The following PIEZO2 variants were observed in gnomAD, a reference collection of about 807,000 sequenced individuals.
PIEZO2 encodes piezo type mechanosensitive ion channel component 2.
A neutral mutation model predicts 337.3 loss-of-function variants in PIEZO2; 172 were observed. That is an observed-to-expected ratio of 0.51 (90% CI 0.45 to 0.58). The LOEUF (loss-of-function observed/expected upper bound fraction) is 0.58, where lower values mean the gene tolerates loss of function less well. PIEZO2 is among the 20% of genes least tolerant of loss of function. The probability of loss-of-function intolerance (pLI) is 0.00; values close to 1 mark genes in which losing one functional copy is unlikely to be tolerated. For missense variants in PIEZO2, 3,028 were observed against 3,391.3 expected (o/e 0.89, Z 2.66); for synonymous variants, 1,251 against 1,228.5 (o/e 1.02, Z -0.38).
At chr18:10,897,537 T>A (rs1474900511) in intron 4 of PIEZO2, among the ~76,000 whole-genome samples, 1 of 152,130 alleles carries the variant, frequency 6.6e-6, no homozygotes, top group African/African-American at 2.4e-5. Context: ...TGGCTCTCAT[T>A]CTCTCTTGCC....
At chr18:10,835,547 CTTTTT>C (rs58831248) in intron 7 of PIEZO2, among the ~76,000 whole-genome samples, 1 of 146,340 alleles carries the variant, frequency 6.8e-6, no homozygotes, top group African/African-American at 2.5e-5. Context: ...TAACCAAGTT[CTTTTT>C]TTTTTTTTTG....
rs543063968 is a variant in PIEZO2 at position 11,028,235 on chromosome 18, TTTCTTC to T, written c.160+37886_160+37891del. 6.6e-6 allele frequency among the ~76,000 whole-genome samples: 1 copy of T among 152,056 alleles called. No individual in the cohort carries two copies. Among genetic ancestry groups the T allele is most frequent in the African/African-American group, 2.4e-5 (1 of 41,422 alleles). Reference sequence around the variant, plus strand: ...CATCGCCTTCTTTCTTTTCTTTTCTTTTCTTCTTCTTCTTCTTTATTTTTTATTATT... The same window carrying T: ...CATCGCCTTCTTTCTTTTCTTTTCTTTTCTTCTTCTTTATTTTTTATTATT... On this transcript the variant is annotated intron_variant, in intron 2 of 55. Transcript: ENST00000674853. This position sits in a 1 kb window ranked among gnomAD's most constrained non-coding sequence, Gnocchi z 4.8.
At chr18:10,889,773 T>C (rs1041891776) in intron 4 of PIEZO2, among the ~76,000 whole-genome samples, 3 of 152,098 alleles carry the variant, frequency 2.0e-5, no homozygotes, top group African/African-American at 7.2e-5. Flanking sequence ...CTCATTCTCC[T>C]CCCTAAGAGC....
chr18:10,888,743 T>C lies in PIEZO2; in HGVS notation c.330-17328A>G, dbSNP rs1436444849. Among the ~76,000 whole-genome samples the C allele has an allele frequency of 6.6e-6, 1 of 152,040 alleles. No individual in the cohort carries two copies. Among genetic ancestry groups the C allele is most frequent in the Non-Finnish European group, 1.5e-5 (1 of 67,996 alleles). ...CAAACATGGCTCCCATTATCCTTAA[T>C]ATATTTAGTTAAGTTCCCCATCAGT... On this transcript the variant is annotated intron_variant, in intron 4 of 55. Transcript: ENST00000674853. The surrounding 1 kb of genome is among the most constrained non-coding windows in gnomAD (Gnocchi z 4.1).
chr18:10,863,229 C>T lies in PIEZO2; in HGVS notation c.493-6018G>A, dbSNP rs74854727. On this transcript the variant is annotated intron_variant, in intron 5 of 55. Coordinates refer to ENST00000674853, the MANE Select transcript of PIEZO2 (RefSeq NM_001378183.1). The surrounding 1 kb of genome is among the most constrained non-coding windows in gnomAD (Gnocchi z 4.3). ...GAAAAGACAAGGTTGTGACTCACTG[C>T]AGAAGATGAATTTCATCCCCAGGGT... Among the ~76,000 whole-genome samples, 649 of 152,256 alleles carry T rather than the reference C, an allele frequency of 4.3e-3. 1 individual carries two copies. Among genetic ancestry groups the T allele is most frequent in the African/African-American group, 0.014 (579 of 41,554 alleles).
intron 1 of PIEZO2, among the ~76,000 whole-genome samples, chr18:11,073,848 CTTTT>C (rs71362202): frequency 1.5e-5 from 2 of 137,170 alleles, no homozygotes; most frequent in Non-Finnish European, 3.1e-5. Flanking sequence ...ATAACAACTG[CTTTT>C]TTTTTTTTTT....
chr18:10,736,753 A>G lies in PIEZO2; in HGVS notation c.4709-43T>C, dbSNP rs7243313. ...TTCACTCATTTCTTGAAAGACATAT[A>G]AGGAAATTGGGGGCTTATTAATGAA... On this transcript the variant is annotated intron_variant, in intron 33 of 55. Coordinates refer to ENST00000674853, the MANE Select transcript of PIEZO2 (RefSeq NM_001378183.1). 3.2e-3 allele frequency: 4,862 copies of G among 1,525,042 alleles called. 121 individuals are homozygous for G. In the African/African-American group the frequency reaches 0.06, roughly 19 times the overall value. 94.5% of individuals were successfully genotyped at this position (1,525,042 alleles called of 1,614,324 possible).
intron 27 of PIEZO2, among the ~76,000 whole-genome samples, chr18:10,753,762 G>C (rs1476698294): frequency 2.6e-5 from 4 of 152,120 alleles, no homozygotes; most frequent in Non-Finnish European, 5.9e-5. Context: ...GCATTATTAG[G>C]GGGATGAGTT....
intron 2 of PIEZO2, among the ~76,000 whole-genome samples, chr18:10,990,981 G>A (rs892967135): frequency 6.6e-6 from 1 of 151,816 alleles, no homozygotes; most frequent in African/African-American, 2.4e-5. Context: ...ATTTTTTGTA[G>A]TATATTTATC....
intron 3 of PIEZO2, among the ~76,000 whole-genome samples, chr18:10,944,216 G>A (rs1196824176): frequency 6.6e-6 from 1 of 151,988 alleles, no homozygotes; most frequent in Non-Finnish European, 1.5e-5. Context: ...GGGCACAAGT[G>A]AATAGGGGAT....
intron 4 of PIEZO2, among the ~76,000 whole-genome samples, chr18:10,909,247 A>G (rs1436723617): frequency 1.3e-5 from 2 of 152,200 alleles, no homozygotes; most frequent in Non-Finnish European, 2.9e-5. Flanking sequence ...AATATTGCAA[A>G]CAGACAAATT....
Position 10,726,295 on chromosome 18 carries a change from G to T in PIEZO2, c.5029+5112C>A. 1 of 1,031,010 alleles carries T rather than the reference G, an allele frequency of 9.7e-7. No homozygotes were observed. Among genetic ancestry groups the T allele is most frequent in the Non-Finnish European group, 1.4e-6 (1 of 701,332 alleles). The allele number at this position is 1,031,010 out of a possible 1,614,324, so 63.9% of individuals were successfully genotyped here. A position where few individuals can be genotyped will look rare whatever the true frequency, so the allele number is the denominator to read the frequency against. On this transcript the variant is annotated intron_variant, in intron 36 of 55. Coordinates refer to ENST00000674853, the MANE Select transcript of PIEZO2 (RefSeq NM_001378183.1). This position sits in a 1 kb window ranked among gnomAD's most constrained non-coding sequence, Gnocchi z 5.9. ...TGAGAATGGAAGCGTCGCGGCCAGA[G>T]CCCCGGCCAGGTGGAGCAGGTGGGT...
At chr18:11,051,376 G>GGTGTGTGT (rs1568330551) in intron 2 of PIEZO2, among the ~76,000 whole-genome samples, 23 of 108,566 alleles carry the variant, frequency 2.1e-4, no homozygotes, top group Non-Finnish European at 1.0e-4. Flanking sequence ...TGTGGGTGTG[G>GGTGTGTGT]GTGTGGGTGT....
intron 42 of PIEZO2, among the ~76,000 whole-genome samples, chr18:10,702,831 G>C (rs1001938358): frequency 1.3e-5 from 2 of 152,138 alleles, no homozygotes; most frequent in African/African-American, 4.8e-5. Flanking sequence ...AAAAGGGAGA[G>C]CCTCAACTTA....
chr18:10,740,609 G>C (rs2037178998), intron 33 of PIEZO2: 1 of 232,790 alleles, frequency 4.3e-6, no homozygotes, highest in African/African-American at 2.3e-5. Context: ...CTGACCCTTT[G>C]AATAGAATGA....
intron 4 of PIEZO2, chr18:10,908,271 C>CT (rs2030139987): frequency 6.6e-6 from 1 of 152,166 alleles, no homozygotes; most frequent in Non-Finnish European, 1.5e-5. Context: ...AGCGTCTTTG[C>CT]TTTTTTTATT....
At chr18:10,725,385 A>T (rs2036492297) in intron 36 of PIEZO2, 5 of 1,606,130 alleles carry the variant, frequency 3.1e-6, no homozygotes, top group Non-Finnish European at 4.3e-6. Flanking sequence ...GGTGGAGAAC[A>T]GCCGGCCCAC....
intron 49 of PIEZO2, among the ~76,000 whole-genome samples, chr18:10,684,277 T>A (rs1276394500): frequency 2.8e-5 from 4 of 142,886 alleles, no homozygotes; most frequent in Admixed American, 1.5e-4. Context: ...GCCATTCTCC[T>A]GCCTCAGCCT....
chr18:10,806,761 G>A (rs2040014618), intron 8 of PIEZO2, among the ~76,000 whole-genome samples: 1 of 152,168 alleles, frequency 6.6e-6, no homozygotes. Context: ...TTCCTCATCT[G>A]TAAATGGGTA....
Sources: gnomAD v4.1 joint callset for allele counts (sites outside exome capture counted in the v4.1 genomes callset) on GRCh38, gnomAD v4.1.1 for gene constraint, Gnocchi (gnomAD v3.1) non-coding constraint, MANE v1.5 for transcripts, NCBI Gene and HGNC (gene_info 2026-07-23, HGNC 2026-07-21) for gene names.